ZSCAN20: variants seen among roughly 807,000 people sequenced by gnomAD.
The protein encoded by ZSCAN20 is zinc finger and SCAN domain containing 20.
Under a neutral mutation model 97.1 loss-of-function variants are expected in ZSCAN20, and 39 were observed. That is an observed-to-expected ratio of 0.40 (90% CI 0.31 to 0.52). ZSCAN20 has a LOEUF of 0.52. Among genes scored for constraint, ZSCAN20 ranks in the 20% least tolerant of loss-of-function variants. ZSCAN20 has a pLI of 0.49. For synonymous variants in ZSCAN20, 456 were observed against 467.3 expected (o/e 0.98, Z 0.31); for missense variants, 1,115 against 1,290.4 (o/e 0.86, Z 2.08).
chr1:33,489,098 C>G lies in ZSCAN20; in HGVS notation c.605-17C>G, dbSNP rs199512946. 691 of 1,602,778 alleles carry G rather than the reference C, an allele frequency of 4.3e-4. 1 individual carries two copies. Among genetic ancestry groups the G allele is most frequent in the Middle Eastern group, 3.3e-4 (2 of 5,990 alleles). On this transcript the variant is annotated splice_polypyrimidine_tract_variant and intron_variant, in intron 3 of 7. Coordinates refer to ENST00000684572, the MANE Select transcript of ZSCAN20 (RefSeq NM_001377376.1). The stretch of plus-strand genomic sequence containing the variant: ...GGAACCAGAGCTTGGGTTTCAGTGA[C>G]TTTTTCTTTTCCTCAGCTGTCCTCA...
rs1331811805 is a variant in ZSCAN20, at chr1:33,495,068, T to C, written c.2724T>C (p.Cys908=). The C allele has an allele frequency of 1.2e-6, 2 of 1,612,298 alleles. No homozygotes were observed. The highest frequency in any genetic ancestry group is 2.2e-5 in the East Asian group (1 of 44,806). The change falls in exon 8 of 8, where the codon TGT becomes TGC. Residue 908 remains cysteine (C), a synonymous_variant. Transcript: ENST00000684572. ...AGAAACCATATGAATGTGCCGAATG[T>C]GGGAAAAGCTTCAGTAAGAGCTCCA... is the stretch of plus-strand genomic sequence containing the variant. ...TGEKPYECAE[C]GKSFSKSSTL... is the part of the protein sequence containing the mutation.
rs1044008996 is a variant in ZSCAN20, at chr1:33,495,531, A to C, written c.*55A>C. On this transcript the variant is annotated 3_prime_UTR_variant, in exon 8 of 8. Transcript: ENST00000684572. ...CTCAATGTATATATCTTATATCATA[A>C]GATGTATGCTAGAGATAAACTTTCC... The C allele has an allele frequency of 1.0e-5, 14 of 1,406,572 alleles. No individual in the cohort carries two copies. The African/African-American group carries it at 1.8e-4, about 19-fold the overall frequency. 87.1% of individuals were successfully genotyped at this position (1,406,572 alleles called of 1,614,324 possible).
At position 33,490,805 on chromosome 1, in the gene ZSCAN20, C is replaced by T. The variant is rs186470231; in HGVS notation, c.767-220C>T. Among the ~76,000 whole-genome samples, 6 of 152,210 alleles carry T rather than the reference C, an allele frequency of 3.9e-5. No individual in the cohort carries two copies. In the East Asian group the frequency reaches 5.8e-4, roughly 15 times the overall value. On this transcript the variant is annotated intron_variant, in intron 5 of 7. Coordinates refer to ENST00000684572, the MANE Select transcript of ZSCAN20 (RefSeq NM_001377376.1). ...GTTTCATGTTTCATAACAACAACAA[C>T]AACAAACAAATGAACAAAGTAAACA...
chr1:33,494,892 C>T lies in ZSCAN20; in HGVS notation c.2548C>T (p.Pro850Ser). ...HWRNSTEETAPEQPQSISKDL... is the reference protein window; with the variant it reads ...HWRNSTEETASEQPQSISKDL... ...GAGGAATTCTACAGAAGAGACAGCT[C>T]CTGAACAACCTCAAAGTATCAGTAA... The change falls in exon 8 of 8, where the codon CCT becomes TCT. Residue 850 changes from proline to serine, a missense_variant. Physicochemically the swap from Pro to Ser is moderately conservative, Grantham distance 74. This residue lies in a region of ZSCAN20 where 554 missense variants were observed against 584.9 expected (regional missense o/e 0.95). Transcript: ENST00000684572. 6.2e-7 allele frequency: 1 copy of T among 1,614,156 alleles called. No homozygotes were observed. The highest frequency in any genetic ancestry group is 8.5e-7 in the Non-Finnish European group (1 of 1,180,042).
At chr1:33,488,010 C>T (rs1006885496) in intron 2 of ZSCAN20, among the ~76,000 whole-genome samples, 1 of 152,074 alleles carries the variant, frequency 6.6e-6, no homozygotes, top group African/African-American at 2.4e-5. Context: ...CTTTCTCTTT[C>T]AGCAGAGATA....
At chr1:33,473,295 G>A (rs1449753810) in intron 1 of ZSCAN20, among the ~76,000 whole-genome samples, 1 of 152,004 alleles carries the variant, frequency 6.6e-6, no homozygotes, top group African/African-American at 2.4e-5. Context: ...CCACGTCCAA[G>A]GATCTTCCGA....
intron 2 of ZSCAN20, among the ~76,000 whole-genome samples, chr1:33,483,899 T>C (rs188790777): frequency 2.4e-4 from 36 of 152,318 alleles, no homozygotes; most frequent in Admixed American, 2.0e-4. Context: ...GTTTTCCCCA[T>C]GTAAATCTTC....
chr1:33,484,770 T>C (rs1479289460), intron 2 of ZSCAN20, among the ~76,000 whole-genome samples: 1 of 151,970 alleles, frequency 6.6e-6, no homozygotes, highest in Non-Finnish European at 1.5e-5. Context: ...TACAGGCATC[T>C]GCAACCACAC....
chr1:33,484,421 TC>T (rs1652274642), intron 2 of ZSCAN20, among the ~76,000 whole-genome samples: 1 of 152,216 alleles, frequency 6.6e-6, no homozygotes, highest in Admixed American at 6.5e-5. Context: ...AAATGCTTTT[TC>T]TGCATCTGTT....
intron 2 of ZSCAN20, among the ~76,000 whole-genome samples, chr1:33,480,141 C>G (rs373291864): frequency 6.6e-6 from 1 of 152,186 alleles, no homozygotes; most frequent in Admixed American, 6.5e-5. Context: ...TATGTGATGT[C>G]TCTGAGTGCT....
rs74610637 is a variant in ZSCAN20 at position 33,499,342 on chromosome 1, T to C, written c.*3866T>C. Among the ~76,000 whole-genome samples, 1,215 of 152,302 alleles carry C rather than the reference T, an allele frequency of 8.0e-3. 64 individuals carry two copies. The East Asian group carries it at 0.14, about 18-fold the overall frequency. ...TCTTCATTCACTCTGTTTCCCTTTCTCTTCTTTTTTTCTTTTCCTTTCTTT... is the reference window on the plus strand; with the variant it reads ...TCTTCATTCACTCTGTTTCCCTTTCCCTTCTTTTTTTCTTTTCCTTTCTTT... On this transcript the variant is annotated 3_prime_UTR_variant, in exon 8 of 8. Transcript: ENST00000684572.
rs760347738 is a variant in ZSCAN20, at chr1:33,495,417, A to C, written c.3073A>C (p.Asn1025His). 1 of 1,590,822 alleles carries C rather than the reference A, an allele frequency of 6.3e-7. No homozygotes were observed. The highest frequency in any genetic ancestry group is 8.6e-7 in the Non-Finnish European group (1 of 1,167,874). Reference sequence around the variant, plus strand: ...GTGCACAGAGTGTGGCAAAGACTTCAACAACAGTTCCCACTTCAGTGCTCA... The same window carrying C: ...GTGCACAGAGTGTGGCAAAGACTTCCACAACAGTTCCCACTTCAGTGCTCA... Reference protein sequence around the residue: ...YKCTECGKDFNNSSHFSAHRR... With the variant: ...YKCTECGKDFHNSSHFSAHRR... Residue 1025 changes from asparagine (N) to histidine (H), a missense_variant, in exon 8 of 8, where the codon AAC becomes CAC. Asn to His is a moderately conservative substitution (Grantham distance 68). This residue lies in a region of ZSCAN20 where 554 missense variants were observed against 584.9 expected (regional missense o/e 0.95). Transcript: ENST00000684572.
intron 2 of ZSCAN20, among the ~76,000 whole-genome samples, chr1:33,484,046 A>G (rs1652258060): frequency 2.0e-5 from 3 of 152,318 alleles, no homozygotes; most frequent in South Asian, 4.1e-4. Context: ...GCATATTTGC[A>G]TATTTGTACC....
chr1:33,498,695 C>T lies in ZSCAN20; in HGVS notation c.*3219C>T, dbSNP rs1652958040. ...AGACCCTGGTTATGGAAAACCAAAC[C>T]AGCAAATGCTGCCCTGGGAGGGTGT... On this transcript the variant is annotated 3_prime_UTR_variant, in exon 8 of 8. Coordinates refer to ENST00000684572, the MANE Select transcript of ZSCAN20 (RefSeq NM_001377376.1). 6.6e-6 allele frequency among the ~76,000 whole-genome samples: 1 copy of T among 152,180 alleles called. No individual in the cohort carries two copies. Among genetic ancestry groups the T allele is most frequent in the Non-Finnish European group, 1.5e-5 (1 of 68,032 alleles).
Position 33,479,118 on chromosome 1 carries a change from G to T in ZSCAN20, c.-110-61G>T, listed in dbSNP as rs567938647. On this transcript the variant is annotated intron_variant, in intron 1 of 7. Transcript: ENST00000684572. ...AAGGTGGCGGAAGATATGGGGGAAGGGGGAGAATGAAGCTTCTGCATCCTT... is the reference window on the plus strand; with the variant it reads ...AAGGTGGCGGAAGATATGGGGGAAGTGGGAGAATGAAGCTTCTGCATCCTT... The T allele has an allele frequency of 1.7e-5, 11 of 658,758 alleles. No individual in the cohort carries two copies. The South Asian group carries it at 2.7e-4, about 16-fold the overall frequency. 40.8% of individuals were successfully genotyped at this position (658,758 alleles called of 1,614,324 possible). A position where few individuals can be genotyped will look rare whatever the true frequency, so the allele number is the denominator to read the frequency against.
intron 5 of ZSCAN20, 117 bp from the exon 6 acceptor site, chr1:33,490,908 A>C (rs1212200326): frequency 1.1e-6 from 1 of 928,154 alleles, no homozygotes; most frequent in Admixed American, 2.9e-5. Flanking sequence ...TATGGGATCA[A>C]CTTGGGAATT....
rs1652808252 is a variant in ZSCAN20 at position 33,495,151 on chromosome 1, G to A, written c.2807G>A (p.Cys936Tyr). 6.2e-7 allele frequency: 1 copy of A among 1,613,908 alleles called. No individual in the cohort carries two copies. The highest frequency in any genetic ancestry group is 1.3e-5 in the African/African-American group (1 of 74,894). ...TGEKPYKCVD[C>Y]GKCFSERSKL... The stretch of plus-strand genomic sequence containing the variant: ...GAGAAGCCGTATAAATGTGTGGACT[G>A]TGGGAAGTGCTTCAGTGAGCGCTCC... Residue 936 changes from cysteine (C) to tyrosine (Y), a missense_variant, in exon 8 of 8, where the codon TGT becomes TAT. Around this residue, in one of 3 missense-constraint regions of ZSCAN20, gnomAD observed 554 missense variants for 584.9 expected, o/e 0.95. Transcript: ENST00000684572.
In ZSCAN20 at chr1:33,496,896, A is replaced by G. The variant is rs144678345; in HGVS notation, c.*1420A>G. On this transcript the variant is annotated 3_prime_UTR_variant, in exon 8 of 8. Transcript: ENST00000684572. ...CTCCCACATGGACAGGCTAAGTTAG[A>G]AAGGTTCACATAGGATGGTTTTAAC... Among the ~76,000 whole-genome samples, 241 of 152,326 alleles carry G rather than the reference A, an allele frequency of 1.6e-3. No homozygotes were observed. The highest frequency in any genetic ancestry group is 5.3e-3 in the African/African-American group (222 of 41,568).
intron 1 of ZSCAN20, among the ~76,000 whole-genome samples, chr1:33,477,129 C>G (rs1161994390): frequency 6.6e-6 from 1 of 151,986 alleles, no homozygotes; most frequent in Non-Finnish European, 1.5e-5. Flanking sequence ...GGAGGCAATT[C>G]TTGGAGGGCA....
Sources: gnomAD v4.1 joint callset for allele counts (sites outside exome capture counted in the v4.1 genomes callset) on GRCh38, gnomAD v4.1.1 for gene constraint, gnomAD v4.1.1 regional missense constraint, MANE v1.5 for transcripts, NCBI Gene and HGNC (gene_info 2026-07-23, HGNC 2026-07-21) for gene names.